The following KLHL11 variants were observed in gnomAD, a reference collection of about 807,000 sequenced individuals.
KLHL11 encodes kelch-like protein 11.
A neutral mutation model predicts 56.1 loss-of-function variants in KLHL11; 26 were observed. The observed-to-expected ratio is 0.46, with a 90% CI of 0.34 to 0.64. The LOEUF is 0.64. Ranked by LOEUF, KLHL11 falls within the 30% of genes least tolerant of loss-of-function variation. The probability of loss-of-function intolerance (pLI) is 0.01; values close to 1 mark genes in which losing one functional copy is unlikely to be tolerated. For synonymous variants in KLHL11, 338 were observed against 345.8 expected, an observed-to-expected ratio of 0.98 and a Z score of 0.25; for missense variants, 627 against 919.4, an observed-to-expected ratio of 0.68 and a Z score of 4.11.
chr17:41,862,789 C>A (rs1441773841), intron 1 of KLHL11, among the ~76,000 whole-genome samples: 1 of 152,118 alleles, frequency 6.6e-6, no homozygotes, highest in Non-Finnish European at 1.5e-5. Flanking sequence ...TTAAGTAATA[C>A]CATCCAGCCC....
chr17:41,853,769 G>C lies in KLHL11; in HGVS notation c.2098C>G (p.Arg700Gly). The C allele has an allele frequency of 1.2e-6, 2 of 1,613,010 alleles. No individual in the cohort carries two copies. Among genetic ancestry groups the C allele is most frequent in the Non-Finnish European group, 1.7e-6 (2 of 1,179,162 alleles). ...CATTCAATCTGAGAGCTTGGCACTC[G>C]CCTCATGTTCAGGGCGTGACGATGT... ...EIHRHALNMR[R>G]VPSSQIEC Residue 700 changes from arginine to glycine, a missense_variant, in exon 2 of 2, where the codon CGA (arginine) becomes GGA (glycine). Coordinates refer to ENST00000319121, the MANE Select transcript of KLHL11 (RefSeq NM_018143.3).
chr17:41,865,341 C>CACT lies in KLHL11; in HGVS notation c.29_30insAGT (p.Ala10_Ala11insVal). The CACT allele has an allele frequency of 6.9e-7, 1 of 1,438,950 alleles. No homozygotes were observed. The highest frequency in any genetic ancestry group is 2.8e-5 in the East Asian group (1 of 36,002). 89.1% of individuals were successfully genotyped at this position (1,438,950 alleles called of 1,614,324 possible). On this transcript the variant is annotated inframe_insertion, in exon 1 of 2. Coordinates refer to ENST00000319121, the MANE Select transcript of KLHL11 (RefSeq NM_018143.3). ...GAAGAGATGCAGCCGCGGCCGCCGCCGCCGCCGCCGCCACTGCCGCAGCCG... is the reference window on the plus strand; with the variant it reads ...GAAGAGATGCAGCCGCGGCCGCCGCCACTGCCGCCGCCGCCACTGCCGCAGCCG...
In KLHL11 at chr17:41,854,350, A is replaced by G. The variant is rs1456355499; in HGVS notation, c.1517T>C (p.Ile506Thr). The G allele has an allele frequency of 6.2e-7, 1 of 1,614,040 alleles. No individual in the cohort carries two copies. The highest frequency in any genetic ancestry group is 1.1e-5 in the South Asian group (1 of 91,088). ...CCGGTCTACAGGAGTGCGGGCGGCA[A>G]TGTATACAAACCGGTCTTCAATGGC... ...ALAIEDRFVY[I>T]AARTPVDRDT... Residue 506 changes from isoleucine (I) to threonine (T), a missense_variant, in exon 2 of 2, where the codon ATT becomes ACT. Physicochemically the swap from Ile to Thr is moderately conservative, Grantham distance 89. Coordinates refer to ENST00000319121, the MANE Select transcript of KLHL11 (RefSeq NM_018143.3). The surrounding 1 kb of genome is among the most constrained non-coding windows in gnomAD (Gnocchi z 4.9).
intron 1 of KLHL11, among the ~76,000 whole-genome samples, chr17:41,862,660 A>C (rs566556370): frequency 5.3e-5 from 8 of 152,118 alleles, no homozygotes; most frequent in African/African-American, 1.9e-4. Context: ...TCGGCCTCTC[A>C]AAGTGCTGAG....
Position 41,849,890 on chromosome 17 carries a change from A to C in KLHL11, c.*3850T>G, listed in dbSNP as rs2048323287. The C allele has an allele frequency of 2.0e-5, 3 of 152,178 alleles. No homozygotes were observed. Among genetic ancestry groups the C allele is most frequent in the African/African-American group, 7.2e-5 (3 of 41,442 alleles). The allele number at this position is 152,178 out of a possible 1,614,324, so 9.4% of individuals were successfully genotyped here. ...AGTAGCCTCACTCAAAGTTACATATACTATTACTTTTTGGTATAATAACTT... is the reference window on the plus strand; with the variant it reads ...AGTAGCCTCACTCAAAGTTACATATCCTATTACTTTTTGGTATAATAACTT... On this transcript the variant is annotated 3_prime_UTR_variant, in exon 2 of 2. Coordinates refer to ENST00000319121, the MANE Select transcript of KLHL11 (RefSeq NM_018143.3).
intron 1 of KLHL11, among the ~76,000 whole-genome samples, chr17:41,858,068 T>A (rs2048377293): frequency 6.6e-6 from 1 of 152,062 alleles, no homozygotes; most frequent in African/African-American, 2.4e-5. Flanking sequence ...CCCACTTGCC[T>A]CGCCCTCCCA....
chr17:41,864,179 G>GTC (rs1452216096), intron 1 of KLHL11, among the ~76,000 whole-genome samples: 1 of 152,204 alleles, frequency 6.6e-6, no homozygotes, highest in Non-Finnish European at 1.5e-5. Flanking sequence ...CTTCTAACCA[G>GTC]TCTCTGGAGC....
At chr17:41,863,199 T>C (rs1271720478) in intron 1 of KLHL11, among the ~76,000 whole-genome samples, 1 of 150,786 alleles carries the variant, frequency 6.6e-6, no homozygotes, top group African/African-American at 2.4e-5. Context: ...TCTTTTTTTT[T>C]TTTTTTTTTG....
At chr17:41,858,218 CTTTTTTTTT>C (rs1174225045) in intron 1 of KLHL11, among the ~76,000 whole-genome samples, 3 of 116,406 alleles carry the variant, frequency 2.6e-5, no homozygotes, top group African/African-American at 6.6e-5. Flanking sequence ...TCACCAGCCT[CTTTTTTTTT>C]TTTTTTTTTT....
rs1296439870 is a variant in KLHL11, at chr17:41,848,730, C to T, written c.*5010G>A. On this transcript the variant is annotated 3_prime_UTR_variant, in exon 2 of 2. Transcript: ENST00000319121. Reference sequence around the variant, plus strand: ...GGATACTACTAGTCCAAAAAACTTACTGCATCAACTCAAACTAAATGTTTA... The same window carrying T: ...GGATACTACTAGTCCAAAAAACTTATTGCATCAACTCAAACTAAATGTTTA... The T allele has an allele frequency of 1.3e-5, 2 of 159,412 alleles. No homozygotes were observed. Among genetic ancestry groups the T allele is most frequent in the Admixed American group, 1.2e-4 (2 of 16,874 alleles). 9.9% of individuals were successfully genotyped at this position (159,412 alleles called of 1,614,324 possible).
Position 41,865,025 on chromosome 17 carries a change from C to T in KLHL11, c.346G>A (p.Ala116Thr). Residue 116 changes from alanine to threonine, a missense_variant, in exon 1 of 2, where the codon GCT becomes ACT. Physicochemically the swap from Ala to Thr is moderately conservative, Grantham distance 58. Transcript: ENST00000319121. ...REFRAHRSVL[A>T]AATEYFTPLL... ...GGCGTGAAGTACTCGGTGGCGGCAGCCAGTACCGAGCGGTGGGCCCGGAAC... is the reference window on the plus strand; with the variant it reads ...GGCGTGAAGTACTCGGTGGCGGCAGTCAGTACCGAGCGGTGGGCCCGGAAC... 1 of 1,595,496 alleles carries T rather than the reference C, an allele frequency of 6.3e-7. No individual in the cohort carries two copies. Among genetic ancestry groups the T allele is most frequent in the Non-Finnish European group, 8.6e-7 (1 of 1,169,270 alleles).
At chr17:41,862,583 T>A (rs926972873) in intron 1 of KLHL11, among the ~76,000 whole-genome samples, 2 of 152,032 alleles carry the variant, frequency 1.3e-5, no homozygotes, top group Admixed American at 6.6e-5. Flanking sequence ...CCCGGCCTAA[T>A]TTTTGTATTT....
At chr17:41,861,655 C>T (rs962737530) in intron 1 of KLHL11, among the ~76,000 whole-genome samples, 3 of 139,522 alleles carry the variant, frequency 2.2e-5, no homozygotes, top group Admixed American at 7.4e-5. Context: ...CATTGCACTC[C>T]AGCCTGGGAA....
At position 41,865,392 on chromosome 17, in the gene KLHL11, C is replaced by T. The variant is rs1426300523; in HGVS notation, c.-22G>A. ...CCATCTTGACGCCGCTGCGCCCGGC[C>T]TCCACAGCCTCGGAACGATGCGGCT... On this transcript the variant is annotated 5_prime_UTR_variant, in exon 1 of 2. Coordinates refer to ENST00000319121, the MANE Select transcript of KLHL11 (RefSeq NM_018143.3). The T allele has an allele frequency of 3.0e-6, 4 of 1,331,544 alleles. No homozygotes were observed. The highest frequency in any genetic ancestry group is 1.6e-5 in the South Asian group (1 of 63,418). The allele number at this position is 1,331,544 out of a possible 1,614,324, so 82.5% of individuals were successfully genotyped here. A position where few individuals can be genotyped will look rare whatever the true frequency, so the allele number is the denominator to read the frequency against.
intron 1 of KLHL11, among the ~76,000 whole-genome samples, chr17:41,862,643 A>G (rs1335723243): frequency 6.6e-6 from 1 of 151,888 alleles, no homozygotes; most frequent in Admixed American, 6.6e-5. Context: ...CAAGTGATCC[A>G]TCTGCCTCGG....
rs1644587775 is a variant in KLHL11 at position 41,850,869 on chromosome 17, A to G, written c.*2871T>C. On this transcript the variant is annotated 3_prime_UTR_variant, in exon 2 of 2. Coordinates refer to ENST00000319121, the MANE Select transcript of KLHL11 (RefSeq NM_018143.3). ...AATGGATTTAAAGTTGATTTTCAAC[A>G]CATTTATTAAAAACTTTTCACCTAG... 6.6e-6 allele frequency: 1 copy of G among 152,230 alleles called. No homozygotes were observed. The highest frequency in any genetic ancestry group is 2.4e-5 in the African/African-American group (1 of 41,466). The allele number at this position is 152,230 out of a possible 1,614,324, so 9.4% of individuals were successfully genotyped here. A position where few individuals can be genotyped will look rare whatever the true frequency, so the allele number is the denominator to read the frequency against.
intron 1 of KLHL11, among the ~76,000 whole-genome samples, chr17:41,856,604 A>G (rs963700266): frequency 2.0e-5 from 3 of 152,210 alleles, no homozygotes; most frequent in African/African-American, 7.2e-5. Context: ...TTAAAAGCAC[A>G]TATACGCTGG....
At position 41,865,279 on chromosome 17, in the gene KLHL11, G is replaced by A. The variant is rs1370879193; in HGVS notation, c.92C>T (p.Ala31Val). 1 of 1,570,996 alleles carries A rather than the reference G, an allele frequency of 6.4e-7. No individual in the cohort carries two copies. Among genetic ancestry groups the A allele is most frequent in the Non-Finnish European group, 8.6e-7 (1 of 1,166,130 alleles). ...CTCGGCGGCCAGTCCTGCCGAGCCG[G>A]CGGCGGCCGTCTCCATGCTCTCCAT... ...LEMESMETAA[A>V]GSAGLAAEVR... The change falls in exon 1 of 2, where the codon GCC becomes GTC. Residue 31 changes from alanine to valine, a missense_variant. This residue lies in a region of KLHL11 where 121 missense variants were observed against 116.2 expected (regional missense o/e 1.04). Coordinates refer to ENST00000319121, the MANE Select transcript of KLHL11 (RefSeq NM_018143.3).
In KLHL11 at chr17:41,865,178, C is replaced by A; in HGVS notation, c.193G>T (p.Gly65Cys). 1.2e-6 allele frequency: 2 copies of A among 1,610,220 alleles called. No individual in the cohort carries two copies. The highest frequency in any genetic ancestry group is 1.7e-6 in the Non-Finnish European group (2 of 1,179,012). ...SAMEASGGDP[G>C]PEAEDFECSS... ...CACTCGAAATCCTCGGCTTCTGGGC[C>A]CGGATCGCCCCCGCTCGCCTCCATT... Residue 65 changes from glycine to cysteine, a missense_variant, in exon 1 of 2, where the codon GGC (glycine) becomes TGC (cysteine). Physicochemically the swap from Gly to Cys is radical, Grantham distance 159. This residue lies in a region of KLHL11 where 121 missense variants were observed against 116.2 expected (regional missense o/e 1.04). Coordinates refer to ENST00000319121, the MANE Select transcript of KLHL11 (RefSeq NM_018143.3).
Sources: allele counts gnomAD v4.1 joint callset (sites outside exome capture counted in the v4.1 genomes callset), GRCh38; gene constraint gnomAD v4.1.1; regional missense constraint gnomAD v4.1.1; non-coding constraint Gnocchi (gnomAD v3.1); transcripts MANE v1.5; gene names NCBI Gene and HGNC (gene_info 2026-07-23, HGNC 2026-07-21).